The following NUDCD1 variants were observed in gnomAD, a reference collection of about 807,000 sequenced individuals.
NUDCD1 encodes NudC domain containing 1.
In NUDCD1, 60 loss-of-function variants were observed where a neutral mutation model predicts 67.8. That is an observed-to-expected ratio of 0.88 (90% CI 0.72 to 1.10). The LOEUF is 1.10. Ranked by LOEUF, NUDCD1 falls within the 50% of genes least tolerant of loss-of-function variation. The pLI, the probability that NUDCD1 is intolerant of heterozygous loss-of-function variation, is 0.00. For synonymous variants in NUDCD1, 244 were observed against 230.8 expected, an observed-to-expected ratio of 1.06 and a Z score of -0.52; for missense variants, 643 against 695.0, an observed-to-expected ratio of 0.93 and a Z score of 0.84.
chr8:109,308,381 G>A (rs544644848), intron 2 of NUDCD1, among the ~76,000 whole-genome samples: 2 of 152,246 alleles, frequency 1.3e-5, no homozygotes, highest in Admixed American at 6.5e-5. Flanking sequence ...AAGTCTGAAA[G>A]AGCACAAACA....
At position 109,296,413 on chromosome 8, in the gene NUDCD1, G is replaced by C. The variant is rs753159659; in HGVS notation, c.430C>G (p.Arg144Gly). Residue 144 changes from arginine (R) to glycine (G), a missense_variant, in exon 3 of 10, where the codon CGT (arginine) becomes GGT (glycine). Coordinates refer to ENST00000239690, the MANE Select transcript of NUDCD1 (RefSeq NM_032869.4). The stretch of plus-strand genomic sequence containing the variant: ...CATTTTTCAGAAGCGCTATTTCCAC[G>C]TTCACCTGTTCCAATGACATACAAT... ...GRLYVIGTGERGNSASEKWEI... is the reference protein window; with the variant it reads ...GRLYVIGTGEGGNSASEKWEI... 1 of 1,613,208 alleles carries C rather than the reference G, an allele frequency of 6.2e-7. No individual in the cohort carries two copies. The highest frequency in any genetic ancestry group is 1.3e-5 in the African/African-American group (1 of 74,962).
At chr8:109,333,123 T>G (rs1815850671) in intron 1 of NUDCD1, among the ~76,000 whole-genome samples, 1 of 152,236 alleles carries the variant, frequency 6.6e-6, no homozygotes, top group South Asian at 2.1e-4. Context: ...TCAATTAGCA[T>G]AAACTTATTT....
intron 9 of NUDCD1, among the ~76,000 whole-genome samples, chr8:109,244,576 T>G (rs1813450922): frequency 6.6e-6 from 1 of 152,168 alleles, no homozygotes; most frequent in Non-Finnish European, 1.5e-5. Flanking sequence ...ATTAATAAAT[T>G]TCTTCTACAA....
At chr8:109,248,001 T>A (rs1813537621) in intron 8 of NUDCD1, among the ~76,000 whole-genome samples, 1 of 152,174 alleles carries the variant, frequency 6.6e-6, no homozygotes, top group Non-Finnish European at 1.5e-5. Flanking sequence ...ATGGAGAGAT[T>A]ATCCTGGAAT....
intron 6 of NUDCD1, among the ~76,000 whole-genome samples, chr8:109,280,149 GATTA>G (rs144410902): frequency 0.025 from 3,734 of 152,150 alleles, 140 homozygotes; most frequent in African/African-American, 0.084. Flanking sequence ...CACAATAGAG[GATTA>G]ATTGTCTAAA....
intron 2 of NUDCD1, among the ~76,000 whole-genome samples, chr8:109,321,521 T>TA (rs915213373): frequency 2.0e-5 from 3 of 151,176 alleles, no homozygotes; most frequent in African/African-American, 7.4e-5. Context: ...ACATTTTTTT[T>TA]AAAAAGAAAA....
At chr8:109,266,930 CAT>C (rs1305262819) in intron 8 of NUDCD1, among the ~76,000 whole-genome samples, 3 of 152,242 alleles carry the variant, frequency 2.0e-5, no homozygotes, top group African/African-American at 4.8e-5. Flanking sequence ...TCATTTAAAA[CAT>C]AGAGTTCTGA....
rs977566928 is a variant in NUDCD1 at position 109,241,554 on chromosome 8, G to C, written c.*1455C>G. On this transcript the variant is annotated 3_prime_UTR_variant, in exon 10 of 10. Transcript: ENST00000239690. ...GTATCTAGTCTCTCTTTCCTAATACGAATAGAGTACTATTAGGACTCCAAT... is the reference window on the plus strand; with the variant it reads ...GTATCTAGTCTCTCTTTCCTAATACCAATAGAGTACTATTAGGACTCCAAT... The C allele has an allele frequency of 6.6e-6, 1 of 151,900 alleles. No homozygotes were observed. Among genetic ancestry groups the C allele is most frequent in the Admixed American group, 6.6e-5 (1 of 15,212 alleles). 9.4% of individuals were successfully genotyped at this position (151,900 alleles called of 1,614,324 possible). A position where few individuals can be genotyped will look rare whatever the true frequency, so the allele number is the denominator to read the frequency against.
At chr8:109,263,034 G>A (rs1192538690) in intron 8 of NUDCD1, among the ~76,000 whole-genome samples, 2 of 117,512 alleles carry the variant, frequency 1.7e-5, no homozygotes, top group Non-Finnish European at 3.2e-5. Flanking sequence ...CAGCTCGGGG[G>A]ACAGAGTGAG....
At chr8:109,292,391 T>A (rs562721309) in intron 4 of NUDCD1, among the ~76,000 whole-genome samples, 1 of 150,752 alleles carries the variant, frequency 6.6e-6, no homozygotes, top group Non-Finnish European at 1.5e-5. Flanking sequence ...AGGAGACTTA[T>A]TCAGTTTATT....
At chr8:109,244,231 A>C (rs1233267690) in intron 9 of NUDCD1, among the ~76,000 whole-genome samples, 1 of 152,144 alleles carries the variant, frequency 6.6e-6, no homozygotes, top group Non-Finnish European at 1.5e-5. Flanking sequence ...CTATTTAAAT[A>C]GTTTAAAGTA....
At chr8:109,252,172 A>C (rs1231819779) in intron 8 of NUDCD1, among the ~76,000 whole-genome samples, 1 of 151,250 alleles carries the variant, frequency 6.6e-6, no homozygotes, top group Non-Finnish European at 1.5e-5. Context: ...GGTGAGGGGG[A>C]TGTGGGTTGG....
Position 109,275,414 on chromosome 8 carries a change from T to C in NUDCD1, c.1111A>G (p.Arg371Gly). 6.2e-7 allele frequency: 1 copy of C among 1,613,822 alleles called. No homozygotes were observed. Among genetic ancestry groups the C allele is most frequent in the Non-Finnish European group, 8.5e-7 (1 of 1,179,758 alleles). The change falls in exon 7 of 10, where the codon AGA becomes GGA. Residue 371 changes from arginine (R) to glycine (G), a missense_variant. Arg to Gly is a moderately radical substitution (Grantham distance 125). Transcript: ENST00000239690. ...VIGDKQGELI[R>G]DSAQCAAIAE... is the part of the protein sequence containing the mutation. ...ATTGCAGCACACTGGGCTGAATCTC[T>C]TATAAGTTCCCCTTGTTTATCTCCA... is the stretch of plus-strand genomic sequence containing the variant.
At chr8:109,270,939 T>C in intron 8 of NUDCD1, 66 bp downstream of exon 8, 4 of 1,061,492 alleles carry the variant, frequency 3.8e-6, no homozygotes, top group Non-Finnish European at 5.5e-6. Context: ...GAAAAACATA[T>C]TTAGACCAAT....
At chr8:109,283,989 T>TAAAA (rs58089818) in intron 5 of NUDCD1, among the ~76,000 whole-genome samples, 30 of 133,110 alleles carry the variant, frequency 2.3e-4, no homozygotes, top group African/African-American at 7.7e-4. Context: ...AAAGCTGGAT[T>TAAAA]AAAAAAAAAA....
intron 8 of NUDCD1, among the ~76,000 whole-genome samples, chr8:109,270,177 AC>A (rs1358577687): frequency 2.0e-5 from 3 of 151,812 alleles, no homozygotes; most frequent in African/African-American, 7.3e-5. Context: ...TGAATAAAAA[AC>A]ATTCCAAAAT....
intron 5 of NUDCD1, among the ~76,000 whole-genome samples, chr8:109,284,769 AAAAC>A (rs535515680): frequency 1.3e-5 from 2 of 152,118 alleles, no homozygotes; most frequent in Admixed American, 6.6e-5. Context: ...ACAAGAAAAA[AAAAC>A]AAATTAACAC....
intron 2 of NUDCD1, among the ~76,000 whole-genome samples, chr8:109,318,266 A>G (rs1815449799): frequency 6.6e-6 from 1 of 152,228 alleles, no homozygotes; most frequent in Non-Finnish European, 1.5e-5. Flanking sequence ...ACAAAAATTA[A>G]CACTTTCAGA....
At chr8:109,245,196 T>C in intron 9 of NUDCD1, 126 bp downstream of exon 9, 19 of 867,592 alleles carry the variant, frequency 2.2e-5, no homozygotes, top group Non-Finnish European at 2.9e-5. Context: ...AAACAAATCA[T>C]AGCGCAAATC....
Sources: gnomAD v4.1 joint callset for allele counts (sites outside exome capture counted in the v4.1 genomes callset) on GRCh38, gnomAD v4.1.1 for gene constraint, MANE v1.5 for transcripts, NCBI Gene and HGNC (gene_info 2026-07-23, HGNC 2026-07-21) for gene names.